CDH9: variants seen among roughly 807,000 people sequenced by gnomAD.
CDH9 encodes the protein cadherin-9.
A neutral mutation model predicts 70.9 loss-of-function variants in CDH9; 28 were observed. The ratio of observed to expected loss-of-function variants is 0.40; its 90% confidence interval spans 0.29 to 0.54. The LOEUF (loss-of-function observed/expected upper bound fraction) is 0.54, where lower values mean the gene tolerates loss of function less well. Among genes scored for constraint, CDH9 ranks in the 20% least tolerant of loss-of-function variants. The pLI is 0.59. For missense variants in CDH9, 874 were observed against 984.4 expected, an observed-to-expected ratio of 0.89 and a Z score of 1.50; for synonymous variants, 409 against 343.1, an observed-to-expected ratio of 1.19 and a Z score of -2.12.
At chr5:26,909,704 A>G (rs1741015535) in intron 3 of CDH9, among the ~76,000 whole-genome samples, 1 of 151,838 alleles carries the variant, frequency 6.6e-6, no homozygotes, top group African/African-American at 2.4e-5. Context: ...TTTTGCATAT[A>G]ATATCTTACT....
intron 1 of CDH9, among the ~76,000 whole-genome samples, chr5:26,990,896 A>G (rs1742569199): frequency 1.3e-5 from 2 of 152,274 alleles, no homozygotes; most frequent in East Asian, 3.9e-4. Flanking sequence ...TATGATGCCC[A>G]TTTTGTGTGG....
chr5:27,016,608 C>T (rs953498271), intron 1 of CDH9, among the ~76,000 whole-genome samples: 5 of 151,800 alleles, frequency 3.3e-5, no homozygotes, highest in African/African-American at 1.2e-4. Flanking sequence ...GTATAATTGG[C>T]AGCATAATTT....
intron 1 of CDH9, among the ~76,000 whole-genome samples, chr5:27,035,701 T>TGTGTGTGTGG (rs1403716786): frequency 8.2e-6 from 1 of 121,504 alleles, no homozygotes; most frequent in Non-Finnish European, 1.9e-5. Context: ...TGTGTGTGTG[T>TGTGTGTGTGG]GTGTGTGTGG....
intron 1 of CDH9, among the ~76,000 whole-genome samples, chr5:27,021,510 T>C (rs1406695944): frequency 4.6e-5 from 7 of 151,934 alleles, no homozygotes; most frequent in Admixed American, 1.3e-4. Context: ...CCTACACTTA[T>C]ACAAGTAAGA....
At position 26,880,947 on chromosome 5, in the gene CDH9, T is replaced by A. The variant is rs902258941; in HGVS notation, c.*189A>T. On this transcript the variant is annotated 3_prime_UTR_variant, in exon 12 of 12. Coordinates refer to ENST00000231021, the MANE Select transcript of CDH9 (RefSeq NM_016279.4). ...GAGGGTGAACTGGTTATTACTTTTT[T>A]AAAAATCTGTATCATTCGTATTCAT... 8 of 457,772 alleles carry A rather than the reference T, an allele frequency of 1.7e-5. No individual in the cohort carries two copies. Among genetic ancestry groups the A allele is most frequent in the Middle Eastern group, 4.9e-4 (1 of 2,024 alleles). The allele number at this position is 457,772 out of a possible 1,614,324, so 28.4% of individuals were successfully genotyped here.
intron 1 of CDH9, among the ~76,000 whole-genome samples, chr5:27,027,021 A>C (rs1370387031): frequency 6.6e-6 from 1 of 151,978 alleles, no homozygotes; most frequent in Non-Finnish European, 1.5e-5. Flanking sequence ...AAATAGATTA[A>C]AAAACCAAAC....
intron 6 of CDH9, 131 bp downstream of exon 6, chr5:26,903,506 T>G: frequency 1.3e-6 from 1 of 759,222 alleles, no homozygotes; most frequent in Middle Eastern, 2.3e-4. Context: ...ACAACTATTC[T>G]CATTTATCTG....
At chr5:26,922,359 T>C (rs956014123) in intron 2 of CDH9, among the ~76,000 whole-genome samples, 8 of 151,474 alleles carry the variant, frequency 5.3e-5, no homozygotes, top group African/African-American at 1.9e-4. Context: ...AAAAACAACA[T>C]ACAAAGGGGC....
intron 2 of CDH9, among the ~76,000 whole-genome samples, chr5:26,956,861 C>A (rs1303810117): frequency 6.6e-6 from 1 of 152,038 alleles, no homozygotes; most frequent in Non-Finnish European, 1.5e-5. Flanking sequence ...AAATCATCAT[C>A]ATAATAGCAA....
Position 26,906,666 on chromosome 5 carries a change from A to G in CDH9, c.643+53T>C. 3 of 1,562,354 alleles carry G rather than the reference A, an allele frequency of 1.9e-6. No individual in the cohort carries two copies. In the South Asian group the frequency reaches 3.6e-5, roughly 18 times the overall value. On this transcript the variant is annotated intron_variant, in intron 4 of 11. Coordinates refer to ENST00000231021, the MANE Select transcript of CDH9 (RefSeq NM_016279.4). ...TATTTTAAAAATCTCTAAATTAATT[A>G]TGCATCTTAATGTATTATACAATAA...
chr5:26,966,030 A>C (rs1199432451), intron 2 of CDH9, among the ~76,000 whole-genome samples: 1 of 152,170 alleles, frequency 6.6e-6, no homozygotes, highest in Non-Finnish European at 1.5e-5. Context: ...GTTCTAATCA[A>C]CCTAAGCTCC....
At chr5:26,939,950 G>A (rs149739027) in intron 2 of CDH9, among the ~76,000 whole-genome samples, 2,865 of 152,166 alleles carry the variant, frequency 0.019, 31 homozygotes, top group Middle Eastern at 0.031. Context: ...AGGAGTTTGA[G>A]ACCAGCCTGG....
chr5:26,898,761 G>A (rs1453807968), intron 7 of CDH9, among the ~76,000 whole-genome samples: 1 of 152,062 alleles, frequency 6.6e-6, no homozygotes, highest in African/African-American at 2.4e-5. Flanking sequence ...ATAGGCATAG[G>A]CAAAGACTTC....
chr5:26,989,568 C>T (rs1742547258), intron 1 of CDH9, among the ~76,000 whole-genome samples: 1 of 151,512 alleles, frequency 6.6e-6, no homozygotes, highest in African/African-American at 2.4e-5. Context: ...TTCACCCTGA[C>T]TAAACCCCCT....
chr5:26,901,652 G>T (rs7711740), intron 7 of CDH9, among the ~76,000 whole-genome samples: 1,842 of 151,766 alleles, frequency 0.012, 43 homozygotes, highest in African/African-American at 0.042. Context: ...TTATTGTATT[G>T]TCTATCTCTT....
chr5:27,031,641 G>T (rs1453308266), intron 1 of CDH9, among the ~76,000 whole-genome samples: 1 of 151,770 alleles, frequency 6.6e-6, no homozygotes, highest in Non-Finnish European at 1.5e-5. Context: ...TTTAATAAAG[G>T]GTTGCAGTGA....
chr5:26,896,220 A>G (rs979947490), intron 7 of CDH9, among the ~76,000 whole-genome samples: 9 of 151,908 alleles, frequency 5.9e-5, no homozygotes, highest in African/African-American at 1.9e-4. Context: ...ATTTTTTTAA[A>G]CACTGGGAAG....
At chr5:26,902,331 T>C in intron 7 of CDH9, 145 bp downstream of exon 7, 2 of 609,364 alleles carry the variant, frequency 3.3e-6, no homozygotes, top group Non-Finnish European at 5.7e-6. Flanking sequence ...GTGCAACCAT[T>C]TTTTCACACA....
intron 2 of CDH9, among the ~76,000 whole-genome samples, chr5:26,952,798 T>TG (rs1472442154): frequency 6.6e-6 from 1 of 150,526 alleles, no homozygotes; most frequent in Non-Finnish European, 1.5e-5. Context: ...GGATTGATAC[T>TG]GGAGGCTTTA....
Sources: gnomAD v4.1 joint callset for allele counts (sites outside exome capture counted in the v4.1 genomes callset) on GRCh38, gnomAD v4.1.1 for gene constraint, MANE v1.5 for transcripts, NCBI Gene and HGNC (gene_info 2026-07-23, HGNC 2026-07-21) for gene names.